Variants in TBCK observed in about 807,000 individuals in gnomAD.
TBCK encodes the protein TBC domain-containing protein kinase-like protein.
In TBCK, 99 loss-of-function variants were observed where a neutral mutation model predicts 113.4. That is an observed-to-expected ratio of 0.87 (90% CI 0.74 to 1.03). TBCK has a LOEUF of 1.03. Among genes scored for constraint, TBCK ranks in the 50% least tolerant of loss-of-function variants. The pLI, the probability that TBCK is intolerant of heterozygous loss-of-function variation, is 0.00. For synonymous variants in TBCK, 369 were observed against 370.8 expected (o/e 1.00, Z 0.05); for missense variants, 1,045 against 1,061.3 (o/e 0.98, Z 0.21).
At chr4:106,190,200 C>T (rs1753505297) in intron 22 of TBCK, among the ~76,000 whole-genome samples, 1 of 152,068 alleles carries the variant, frequency 6.6e-6, no homozygotes, top group African/African-American at 2.4e-5. Context: ...CTTACAGTAA[C>T]CCTATTTAAT....
At chr4:106,282,923 C>T (rs552252613) in intron 3 of TBCK, among the ~76,000 whole-genome samples, 5 of 152,120 alleles carry the variant, frequency 3.3e-5, no homozygotes, top group South Asian at 4.2e-4. Flanking sequence ...AAATTAATTG[C>T]GAGGAACTAA....
At chr4:106,197,559 C>CA (rs1466880924) in intron 20 of TBCK, among the ~76,000 whole-genome samples, 1 of 151,048 alleles carries the variant, frequency 6.6e-6, no homozygotes, top group Non-Finnish European at 1.5e-5. Flanking sequence ...CAAAACAAAA[C>CA]AAAAAAACAC....
At chr4:106,194,301 A>G (rs978681352) in intron 21 of TBCK, among the ~76,000 whole-genome samples, 3 of 152,062 alleles carry the variant, frequency 2.0e-5, no homozygotes, top group Non-Finnish European at 4.4e-5. Context: ...CACTTTATTA[A>G]TATTTGTAGC....
At chr4:106,192,667 G>A (rs1329873661) in intron 22 of TBCK, among the ~76,000 whole-genome samples, 5 of 152,000 alleles carry the variant, frequency 3.3e-5, no homozygotes, top group Non-Finnish European at 7.4e-5. Flanking sequence ...TCAACAGAGA[G>A]GCGGTAAAGT....
intron 3 of TBCK, among the ~76,000 whole-genome samples, chr4:106,269,653 A>G (rs1763297182): frequency 6.6e-6 from 1 of 152,178 alleles, no homozygotes; most frequent in Admixed American, 6.5e-5. Context: ...AGATTGTTTT[A>G]TAGTAAGTCT....
intron 24 of TBCK, among the ~76,000 whole-genome samples, chr4:106,100,895 CA>C (rs1741472736): frequency 6.6e-6 from 1 of 152,164 alleles, no homozygotes; most frequent in African/African-American, 2.4e-5. Flanking sequence ...GGGCCTCAAA[CA>C]ATGTGATTTT....
intron 2 of TBCK, among the ~76,000 whole-genome samples, chr4:106,297,025 C>A (rs567589530): frequency 6.6e-6 from 1 of 152,098 alleles, no homozygotes; most frequent in South Asian, 2.1e-4. Flanking sequence ...CATCTTACCA[C>A]GTTTTGTCCA....
chr4:106,248,403 T>C (rs1303686193), intron 8 of TBCK, 97 bp from the exon 9 acceptor site: 3 of 894,102 alleles, frequency 3.4e-6, no homozygotes, highest in Non-Finnish European at 4.9e-6. Context: ...TTGATGTTTT[T>C]AAAGTTTTTA....
intron 25 of TBCK, among the ~76,000 whole-genome samples, chr4:106,075,940 T>C (rs1420321414): frequency 6.6e-6 from 1 of 152,232 alleles, no homozygotes; most frequent in African/African-American, 2.4e-5. Flanking sequence ...GAAAACAGGA[T>C]ATGTGGCAGC....
intron 22 of TBCK, 100 bp downstream of exon 22, chr4:106,193,509 T>C (rs933135448): frequency 1.9e-5 from 23 of 1,232,922 alleles, no homozygotes; most frequent in Middle Eastern, 2.7e-4. Context: ...ACAGAAGAGA[T>C]GCTGAAGGCC....
At chr4:106,190,901 C>T (rs1189567862) in intron 22 of TBCK, among the ~76,000 whole-genome samples, 3 of 152,068 alleles carry the variant, frequency 2.0e-5, no homozygotes, top group Non-Finnish European at 2.9e-5. Flanking sequence ...CCACCACGCC[C>T]GTCTAATTTG....
At chr4:106,194,375 T>A (rs1231326258) in intron 21 of TBCK, among the ~76,000 whole-genome samples, 1 of 152,034 alleles carries the variant, frequency 6.6e-6, no homozygotes, top group African/African-American at 2.4e-5. Flanking sequence ...GTTTAAAAAA[T>A]AAAAGTTACT....
intron 23 of TBCK, among the ~76,000 whole-genome samples, chr4:106,142,257 G>A (rs1366126782): frequency 9.9e-5 from 15 of 152,136 alleles, no homozygotes; most frequent in African/African-American, 3.6e-4. Context: ...AGTTTAGCAG[G>A]GTTTTTAAGT....
At chr4:106,052,768 T>A (rs541664759) in intron 25 of TBCK, among the ~76,000 whole-genome samples, 135 of 151,742 alleles carry the variant, frequency 8.9e-4, no homozygotes, top group African/African-American at 3.2e-3. Context: ...AGTCAAAAAA[T>A]ATATAAATAT....
At chr4:106,290,653 A>G (rs910277889) in intron 3 of TBCK, among the ~76,000 whole-genome samples, 3 of 152,180 alleles carry the variant, frequency 2.0e-5, no homozygotes, top group Non-Finnish European at 4.4e-5. Flanking sequence ...ATAGTGTACA[A>G]CAGGGGTTCC....
chr4:106,232,720 C>G (rs1759002966), intron 17 of TBCK, among the ~76,000 whole-genome samples: 2 of 151,890 alleles, frequency 1.3e-5, no homozygotes, highest in South Asian at 4.1e-4. Flanking sequence ...TGCTAATCAA[C>G]TTGTATATTA....
intron 24 of TBCK, among the ~76,000 whole-genome samples, chr4:106,107,434 ACTCT>A (rs1310053945): frequency 6.6e-6 from 1 of 152,084 alleles, no homozygotes; most frequent in Non-Finnish European, 1.5e-5. Flanking sequence ...CATTCCAAAC[ACTCT>A]CTCAGACCAC....
intron 25 of TBCK, among the ~76,000 whole-genome samples, chr4:106,082,661 A>AG (rs1739019805): frequency 2.0e-5 from 3 of 152,192 alleles, no homozygotes; most frequent in African/African-American, 7.2e-5. Flanking sequence ...AAAGAAGTTC[A>AG]GGGGGCAGGG....
intron 2 of TBCK, among the ~76,000 whole-genome samples, chr4:106,306,236 A>AT (rs60417567): frequency 0.11 from 10,586 of 97,388 alleles, 1,505 homozygotes; most frequent in Non-Finnish European, 0.14. Flanking sequence ...TGCCTGGCTA[A>AT]TTTTTTTTTT....
Sources: gnomAD v4.1 joint callset for allele counts (sites outside exome capture counted in the v4.1 genomes callset) on GRCh38, gnomAD v4.1.1 for gene constraint, MANE v1.5 for transcripts, NCBI Gene and HGNC (gene_info 2026-07-23, HGNC 2026-07-21) for gene names.